Variants in MTA3 observed in about 807,000 individuals in gnomAD.
MTA3 encodes the protein metastasis associated 1 family member 3.
Under a neutral mutation model 83.5 loss-of-function variants are expected in MTA3, and 34 were observed. That is an observed-to-expected ratio of 0.41 (90% CI 0.31 to 0.54). The LOEUF is 0.54. Ranked by LOEUF, MTA3 falls within the 20% of genes least tolerant of loss-of-function variation. The probability of loss-of-function intolerance (pLI) is 0.33; values close to 1 mark genes in which losing one functional copy is unlikely to be tolerated. For synonymous variants in MTA3, 303 were observed against 252.7 expected (o/e 1.20, Z -1.89); for missense variants, 761 against 726.4 (o/e 1.05, Z -0.55).
chr2:42,541,833 T>G (rs1319905722), intron 2 of MTA3, among the ~76,000 whole-genome samples: 1 of 152,206 alleles, frequency 6.6e-6, no homozygotes, highest in African/African-American at 2.4e-5. Context: ...CAGTAATACC[T>G]ATTCAAACCA....
At chr2:42,652,082 A>G (rs1161324453) in intron 6 of MTA3, among the ~76,000 whole-genome samples, 1 of 151,806 alleles carries the variant, frequency 6.6e-6, no homozygotes, top group Non-Finnish European at 1.5e-5. Context: ...GGGCAACAAG[A>G]AAAAAAAGAA....
In MTA3 at chr2:42,754,949, C is replaced by T; in HGVS notation, c.*1550C>T. ...AGTTGGTTCTCATCTTAGGCTTCTG[C>T]AAGGGCGAGCATGGGATGTCTCCAC... is the stretch of plus-strand genomic sequence containing the variant. On this transcript the variant is annotated 3_prime_UTR_variant, in exon 17 of 17. Coordinates refer to ENST00000405094, the MANE Select transcript of MTA3 (RefSeq NM_001330442.2). The T allele has an allele frequency of 1.0e-6, 1 of 985,580 alleles. No homozygotes were observed. Among genetic ancestry groups the T allele is most frequent in the Non-Finnish European group, 1.2e-6 (1 of 830,092 alleles). The allele number at this position is 985,580 out of a possible 1,614,324, so 61.1% of individuals were successfully genotyped here. A position where few individuals can be genotyped will look rare whatever the true frequency, so the allele number is the denominator to read the frequency against.
At chr2:42,677,627 A>T in intron 8 of MTA3, among the ~76,000 whole-genome samples, 1 of 152,078 alleles carries the variant, frequency 6.6e-6, no homozygotes, top group Non-Finnish European at 1.5e-5. Context: ...TACGGGTATG[A>T]GCCACCGTAC....
At chr2:42,546,809 A>C (rs941471279) in intron 2 of MTA3, among the ~76,000 whole-genome samples, 2 of 152,182 alleles carry the variant, frequency 1.3e-5, no homozygotes, top group Non-Finnish European at 2.9e-5. Context: ...CTCTATTCTC[A>C]ATGTCTCACA....
chr2:42,568,544 G>A (rs1678053315), upstream of MTA3: 1 of 297,586 alleles, frequency 3.4e-6, no homozygotes, highest in South Asian at 1.4e-4. Context: ...GCCTGGCGCT[G>A]GGGGCGGGCA....
At chr2:42,730,150 G>C (rs1668141361) in intron 16 of MTA3, among the ~76,000 whole-genome samples, 1 of 152,092 alleles carries the variant, frequency 6.6e-6, no homozygotes, top group Admixed American at 6.5e-5. Context: ...CCAAATATAA[G>C]ATCATATCAT....
intron 2 of MTA3, among the ~76,000 whole-genome samples, chr2:42,518,654 T>C (rs979286530): frequency 2.6e-5 from 4 of 152,114 alleles, no homozygotes; most frequent in Admixed American, 6.6e-5. Context: ...TCCTGAAGTG[T>C]AGATTGCTCA....
intron 14 of MTA3, among the ~76,000 whole-genome samples, chr2:42,715,373 TC>T (rs748577995): frequency 1.3e-5 from 2 of 152,024 alleles, no homozygotes; most frequent in Non-Finnish European, 2.9e-5. Flanking sequence ...TCTAATTTTT[TC>T]ACAGTTGAGA....
At chr2:42,709,398 C>T (rs2104509888) in intron 14 of MTA3, 8 of 920,686 alleles carry the variant, frequency 8.7e-6, no homozygotes, top group Middle Eastern at 8.3e-4. Flanking sequence ...GCCTGCAGAG[C>T]CCTTATTGAA....
At chr2:42,672,996 G>A (rs535217253) in intron 8 of MTA3, among the ~76,000 whole-genome samples, 10 of 151,890 alleles carry the variant, frequency 6.6e-5, no homozygotes, top group African/African-American at 9.7e-5. Flanking sequence ...ACAGGTGCGC[G>A]CCATCATGTC....
intron 3 of MTA3, among the ~76,000 whole-genome samples, chr2:42,583,290 C>G (rs1055596631): frequency 1.3e-5 from 2 of 152,140 alleles, no homozygotes; most frequent in African/African-American, 4.8e-5. Flanking sequence ...TCAAAGGCAA[C>G]TATATATCCG....
chr2:42,662,171 C>G (rs1247169862), intron 8 of MTA3, among the ~76,000 whole-genome samples: 1 of 152,080 alleles, frequency 6.6e-6, no homozygotes, highest in Non-Finnish European at 1.5e-5. Context: ...TAATACTACA[C>G]AACATTATTT....
intron 2 of MTA3, among the ~76,000 whole-genome samples, chr2:42,557,205 T>G: frequency 6.6e-6 from 1 of 152,016 alleles, no homozygotes; most frequent in Non-Finnish European, 1.5e-5. Context: ...ATCGCACCAC[T>G]GCACTTCAGC....
intron 16 of MTA3, among the ~76,000 whole-genome samples, chr2:42,738,766 G>C (rs557238916): frequency 9.9e-5 from 15 of 152,256 alleles, no homozygotes; most frequent in Non-Finnish European, 1.2e-4. Flanking sequence ...AAGAGAATGC[G>C]CACGTAGGGG....
At chr2:42,524,051 A>G (rs548773406) in intron 2 of MTA3, among the ~76,000 whole-genome samples, 1 of 152,264 alleles carries the variant, frequency 6.6e-6, no homozygotes, top group South Asian at 2.1e-4. Flanking sequence ...CTCTCCAGAA[A>G]CAGAGACAAT....
At chr2:42,722,853 A>T (rs1247766024) in intron 15 of MTA3, 36 bp from the exon 16 acceptor site, 14 of 1,548,516 alleles carry the variant, frequency 9.0e-6, no homozygotes, top group Non-Finnish European at 1.2e-5. Context: ...TTTTAATATC[A>T]TGTTCTGAAT....
At chr2:42,731,966 G>T (rs1345663715) in intron 16 of MTA3, among the ~76,000 whole-genome samples, 3 of 152,236 alleles carry the variant, frequency 2.0e-5, no homozygotes, top group African/African-American at 7.2e-5. Flanking sequence ...CTGAAATCCA[G>T]TTGGGCAGTC....
At chr2:42,544,335 AC>A (rs1676659067) in intron 2 of MTA3, among the ~76,000 whole-genome samples, 1 of 151,860 alleles carries the variant, frequency 6.6e-6, no homozygotes, top group Non-Finnish European at 1.5e-5. Context: ...AGTCCCAGCT[AC>A]TCAGGAGGCT....
intron 16 of MTA3, among the ~76,000 whole-genome samples, chr2:42,752,698 G>A (rs1669970413): frequency 6.6e-6 from 1 of 152,114 alleles, no homozygotes; most frequent in Admixed American, 6.5e-5. Flanking sequence ...GCTCAGATGA[G>A]ATCGTGCCTC....
Sources: gnomAD v4.1 joint callset for allele counts (sites outside exome capture counted in the v4.1 genomes callset) on GRCh38, gnomAD v4.1.1 for gene constraint, MANE v1.5 for transcripts, NCBI Gene and HGNC (gene_info 2026-07-23, HGNC 2026-07-21) for gene names.